Variants in NCR1 observed in about 807,000 individuals in gnomAD.
NCR1 encodes the protein natural cytotoxicity triggering receptor 1.
NCR1 carries 30 observed loss-of-function variants against 32.5 expected under a neutral mutation model. The ratio of observed to expected loss-of-function variants is 0.92; its 90% confidence interval spans 0.69 to 1.25. NCR1 has a LOEUF of 1.25. NCR1 is among the 50% of genes most tolerant of loss of function. The probability of loss-of-function intolerance (pLI) is 0.00; values close to 1 mark genes in which losing one functional copy is unlikely to be tolerated. For synonymous variants in NCR1, 169 were observed against 143.4 expected (o/e 1.18, Z -1.28); for missense variants, 369 against 380.7 (o/e 0.97, Z 0.26).
At chr19:54,921,789 AAAAAAAG>A in the NCR1 span, among the ~76,000 whole-genome samples, 1 of 151,440 alleles carries the variant, frequency 6.6e-6, no homozygotes, top group Admixed American at 6.6e-5. Context: ...AAAAAAAAAA[AAAAAAAG>A]AAAAGAAAAC....
At chr19:54,923,731 C>T in the NCR1 span, 1 of 1,612,388 alleles carries the variant, frequency 6.2e-7, no homozygotes, top group Non-Finnish European at 8.5e-7. Context: ...TAGAGCGATC[C>T]CAGGCTGCTC....
Position 54,909,238 on chromosome 19 carries a change from C to G in NCR1, c.356-7C>G. 6.2e-7 allele frequency: 1 copy of G among 1,604,436 alleles called. No homozygotes were observed. The highest frequency in any genetic ancestry group is 1.1e-5 in the South Asian group (1 of 90,922). On this transcript the variant is annotated splice_region_variant and splice_polypyrimidine_tract_variant and intron_variant, in intron 3 of 6. Transcript: ENST00000291890. ...TTCTGGTGTGGTGGCCCCACCTTCTCTCATAGAAATGTATGACACACCCAC... is the reference window on the plus strand; with the variant it reads ...TTCTGGTGTGGTGGCCCCACCTTCTGTCATAGAAATGTATGACACACCCAC...
chr19:54,923,934 GA>G, the NCR1 span: 1 of 1,559,128 alleles, frequency 6.4e-7, no homozygotes, highest in Non-Finnish European at 8.8e-7. Flanking sequence ...CAGGATGCCT[GA>G]ATATCTGTTT....
chr19:54,903,513 T>G (rs1347291846), upstream of NCR1, among the ~76,000 whole-genome samples: 1 of 128,052 alleles, frequency 7.8e-6, no homozygotes, highest in Non-Finnish European at 1.7e-5. Flanking sequence ...TATACACGCA[T>G]ACATGTGTGT....
upstream of NCR1, among the ~76,000 whole-genome samples, chr19:54,903,362 A>G (rs181909633): frequency 8.5e-3 from 993 of 117,198 alleles, 49 homozygotes; most frequent in Middle Eastern, 0.02. Context: ...ATATATACAT[A>G]CATGTATATA....
chr19:54,929,490 C>T, the NCR1 span, among the ~76,000 whole-genome samples: 2 of 152,164 alleles, frequency 1.3e-5, no homozygotes, highest in Non-Finnish European at 1.5e-5. Flanking sequence ...AAATAGGTTG[C>T]ATCCAAGAGA....
chr19:54,933,090 G>A, the NCR1 span, among the ~76,000 whole-genome samples: 6 of 152,102 alleles, frequency 3.9e-5, no homozygotes, highest in Non-Finnish European at 8.8e-5. Flanking sequence ...AGCAGGAAGA[G>A]GCTCTGCTGA....
At chr19:54,905,530 C>T (rs73619950), upstream of NCR1, among the ~76,000 whole-genome samples, 14,716 of 152,186 alleles carry the variant, frequency 0.097, 796 homozygotes, top group South Asian at 0.17. Flanking sequence ...TTGAGACATG[C>T]ATCACATTAT....
the NCR1 span, among the ~76,000 whole-genome samples, chr19:54,928,310 G>A: frequency 6.6e-5 from 10 of 152,200 alleles, no homozygotes; most frequent in Middle Eastern, 3.4e-3. Flanking sequence ...CAGGAGAATC[G>A]CCTGAACCAG....
downstream of NCR1, among the ~76,000 whole-genome samples, chr19:54,920,834 G>A (rs1325805401): frequency 5.9e-5 from 9 of 152,026 alleles, no homozygotes; most frequent in East Asian, 1.9e-4. Context: ...GGCTGGGCAC[G>A]GTGGCTCACG....
chr19:54,917,272 G>A (rs932645157), downstream of NCR1, among the ~76,000 whole-genome samples: 14 of 150,884 alleles, frequency 9.3e-5, no homozygotes, highest in East Asian at 2.0e-4. Context: ...TCGAGATTGC[G>A]CCACTGCACT....
chr19:54,922,001 A>G, the NCR1 span, among the ~76,000 whole-genome samples: 1 of 151,504 alleles, frequency 6.6e-6, no homozygotes. Context: ...GGTTCAAGCG[A>G]TTCTCCTGCC....
downstream of NCR1, among the ~76,000 whole-genome samples, chr19:54,919,714 A>ACACC (rs1340754463): frequency 3.0e-5 from 3 of 100,016 alleles, no homozygotes; most frequent in African/African-American, 1.1e-4. Flanking sequence ...GGAAAGGGAG[A>ACACC]CCCCCCCCCC....
the NCR1 span, among the ~76,000 whole-genome samples, chr19:54,935,601 C>CAGG: frequency 0.63 from 95,197 of 150,942 alleles, 30,286 homozygotes; most frequent in African/African-American, 0.71. Flanking sequence ...GAAGCTGAGG[C>CAGG]AGAACTGCTT....
the NCR1 span, among the ~76,000 whole-genome samples, chr19:54,935,633 C>T: frequency 6.7e-6 from 1 of 148,958 alleles, no homozygotes; most frequent in Admixed American, 6.8e-5. Flanking sequence ...GCGGAGGTTG[C>T]AGTGAACGAG....
chr19:54,903,005 C>T (rs587663986), upstream of NCR1, among the ~76,000 whole-genome samples: 3 of 152,148 alleles, frequency 2.0e-5, no homozygotes, highest in South Asian at 6.2e-4. Context: ...TGGCACACGC[C>T]TGTAATCCCA....
At chr19:54,936,412 C>G in the NCR1 span, 1 of 1,614,108 alleles carries the variant, frequency 6.2e-7, no homozygotes, top group Admixed American at 1.7e-5. Context: ...TACGCGGTGT[C>G]AGGGGTGACG....
At chr19:54,901,241 G>A (rs189165670), upstream of NCR1, among the ~76,000 whole-genome samples, 1 of 150,488 alleles carries the variant, frequency 6.6e-6, no homozygotes, top group African/African-American at 2.4e-5. Flanking sequence ...AGTGAGTCGA[G>A]ATTGCGCCAC....
chr19:54,930,481 A>T, the NCR1 span: 25 of 1,569,706 alleles, frequency 1.6e-5, no homozygotes, highest in Non-Finnish European at 2.2e-5. Flanking sequence ...AAGAAAGAAG[A>T]AAAAGAAAAT....
Sources: gnomAD v4.1 joint callset for allele counts (sites outside exome capture counted in the v4.1 genomes callset) on GRCh38, gnomAD v4.1.1 for gene constraint, MANE v1.5 for transcripts, NCBI Gene and HGNC (gene_info 2026-07-23, HGNC 2026-07-21) for gene names.